Variants in SPRED2 observed in about 807,000 individuals in gnomAD.
The protein encoded by SPRED2 is sprouty-related, EVH1 domain-containing protein 2.
Under a neutral mutation model 43.0 loss-of-function variants are expected in SPRED2, and 47 were observed. The observed-to-expected ratio is 1.09, with a 90% CI of 0.87 to 1.40. SPRED2 has a LOEUF of 1.40. Among genes scored for constraint, SPRED2 ranks in the 40% most tolerant of loss-of-function variants. SPRED2 has a pLI of 0.00. For missense variants in SPRED2, 561 were observed against 586.4 expected (o/e 0.96, Z 0.45); for synonymous variants, 225 against 225.7 (o/e 1.00, Z 0.03).
intron 1 of SPRED2, among the ~76,000 whole-genome samples, chr2:65,356,925 C>T (rs1197040579): frequency 2.6e-5 from 4 of 152,036 alleles, no homozygotes; most frequent in Admixed American, 2.0e-4. Flanking sequence ...ACCCGAGAAG[C>T]GGAGTTAGAA....
intron 1 of SPRED2, among the ~76,000 whole-genome samples, chr2:65,361,921 A>G (rs1485378608): frequency 6.6e-6 from 1 of 152,252 alleles, no homozygotes; most frequent in East Asian, 1.9e-4. Flanking sequence ...CCAGGGCAAC[A>G]ACAGGCAACC....
intron 1 of SPRED2, among the ~76,000 whole-genome samples, chr2:65,409,522 G>A (rs1676102011): frequency 6.6e-6 from 1 of 151,964 alleles, no homozygotes; most frequent in South Asian, 2.1e-4. Flanking sequence ...TAAATCCTAT[G>A]ATTTTACCAA....
intron 1 of SPRED2, among the ~76,000 whole-genome samples, chr2:65,388,491 T>A (rs1196977318): frequency 6.6e-6 from 1 of 152,126 alleles, no homozygotes; most frequent in East Asian, 1.9e-4. Context: ...GGCTTACGGC[T>A]CCATTTTCAG....
At chr2:65,329,956 A>G (rs1307810192) in intron 4 of SPRED2, among the ~76,000 whole-genome samples, 1 of 152,120 alleles carries the variant, frequency 6.6e-6, no homozygotes, top group Non-Finnish European at 1.5e-5. Flanking sequence ...TGATCAGGCT[A>G]TGCACCACGC....
intron 4 of SPRED2, among the ~76,000 whole-genome samples, chr2:65,325,320 G>A (rs976130087): frequency 2.6e-5 from 4 of 152,186 alleles, no homozygotes; most frequent in Non-Finnish European, 5.9e-5. Context: ...TACGTGTTTT[G>A]AATAGGGCCA....
chr2:65,393,175 A>G (rs1675676410), intron 1 of SPRED2, among the ~76,000 whole-genome samples: 1 of 152,166 alleles, frequency 6.6e-6, no homozygotes, highest in Admixed American at 6.5e-5. Flanking sequence ...AGATAGATGC[A>G]GTACTATTGT....
chr2:65,384,134 C>G (rs1675437746), intron 1 of SPRED2, among the ~76,000 whole-genome samples: 1 of 152,060 alleles, frequency 6.6e-6, no homozygotes, highest in Non-Finnish European at 1.5e-5. Context: ...AACGGCCGCT[C>G]TCGGCCTCCT....
At chr2:65,411,185 T>G (rs1200700848) in intron 1 of SPRED2, among the ~76,000 whole-genome samples, 1 of 152,208 alleles carries the variant, frequency 6.6e-6, no homozygotes, top group Admixed American at 6.5e-5. Flanking sequence ...GCCCACATTA[T>G]CTCATTTAAT....
At chr2:65,391,336 A>G in intron 1 of SPRED2, among the ~76,000 whole-genome samples, 1 of 152,094 alleles carries the variant, frequency 6.6e-6, no homozygotes, top group East Asian at 1.9e-4. Context: ...ATAAACAAGA[A>G]AAACAAGAGT....
chr2:65,327,755 G>A (rs1448098346), intron 4 of SPRED2, among the ~76,000 whole-genome samples: 1 of 113,696 alleles, frequency 8.8e-6, no homozygotes, highest in African/African-American at 3.4e-5. Context: ...ACGGAGTCTC[G>A]CTCTGTCGCC....
Position 65,432,243 on chromosome 2 carries a change from G to T in SPRED2, c.-256C>A, listed in dbSNP as rs779152306. 2.8e-5 allele frequency: 15 copies of T among 533,698 alleles called. No individual in the cohort carries two copies. Among genetic ancestry groups the T allele is most frequent in the Non-Finnish European group, 4.4e-5 (13 of 296,010 alleles). The allele number at this position is 533,698 out of a possible 1,614,324, so 33.1% of individuals were successfully genotyped here. A position where few individuals can be genotyped will look rare whatever the true frequency, so the allele number is the denominator to read the frequency against. On this transcript the variant is annotated 5_prime_UTR_variant, in exon 1 of 6. Transcript: ENST00000356388. ...GGAGAGGCGGGCGGAGGCTCCGGGG[G>T]CTCGGGAGCGGGCAGAGGGGGCGAG...
downstream of SPRED2, chr2:65,308,334 A>G: frequency 1.0e-6 from 1 of 985,454 alleles, no homozygotes; most frequent in Non-Finnish European, 1.2e-6. Context: ...AGTTGGATGC[A>G]TTGGCTCCCA....
chr2:65,394,855 AAAC>A (rs1465282300), intron 1 of SPRED2, among the ~76,000 whole-genome samples: 3 of 152,212 alleles, frequency 2.0e-5, no homozygotes, highest in Non-Finnish European at 4.4e-5. Context: ...AGAGAAAATA[AAAC>A]AACAACAACT....
At chr2:65,325,102 C>T (rs891589174) in intron 4 of SPRED2, among the ~76,000 whole-genome samples, 1 of 152,194 alleles carries the variant, frequency 6.6e-6, no homozygotes, top group Non-Finnish European at 1.5e-5. Flanking sequence ...ATGGGTGAGA[C>T]TATTAGAGGG....
At chr2:65,426,236 G>A (rs1205109733) in intron 1 of SPRED2, among the ~76,000 whole-genome samples, 1 of 152,108 alleles carries the variant, frequency 6.6e-6, no homozygotes, top group Admixed American at 6.6e-5. Context: ...AGTTCTGCAT[G>A]GAATTTCCAC....
intron 1 of SPRED2, among the ~76,000 whole-genome samples, chr2:65,412,324 G>A (rs1034061032): frequency 6.6e-6 from 1 of 152,108 alleles, no homozygotes; most frequent in African/African-American, 2.4e-5. Context: ...AGACACTGGA[G>A]TACTGACTCT....
intron 2 of SPRED2, among the ~76,000 whole-genome samples, chr2:65,338,922 G>A (rs1326828833): frequency 1.3e-5 from 2 of 151,742 alleles, no homozygotes; most frequent in African/African-American, 2.4e-5. Flanking sequence ...CCCATCGTCT[G>A]AGATGTGGGG....
intron 1 of SPRED2, among the ~76,000 whole-genome samples, chr2:65,367,818 A>T (rs1675018729): frequency 6.6e-6 from 1 of 152,200 alleles, no homozygotes; most frequent in Non-Finnish European, 1.5e-5. Flanking sequence ...GCTCCATGAG[A>T]GGTTATGTAA....
intron 4 of SPRED2, among the ~76,000 whole-genome samples, chr2:65,322,246 C>A (rs1366382498): frequency 1.6e-4 from 11 of 70,502 alleles, no homozygotes; most frequent in African/African-American, 7.0e-4. Context: ...CTCTCTCTCT[C>A]TCTCTCTCTC....
Sources: allele counts gnomAD v4.1 joint callset (sites outside exome capture counted in the v4.1 genomes callset), GRCh38; gene constraint gnomAD v4.1.1; transcripts MANE v1.5; gene names NCBI Gene and HGNC (gene_info 2026-07-23, HGNC 2026-07-21).